TUT4: variants seen among roughly 807,000 people sequenced by gnomAD.
TUT4 encodes the protein terminal uridylyl transferase 4.
Under a neutral mutation model 192.2 loss-of-function variants are expected in TUT4, and 36 were observed. The observed-to-expected ratio is 0.19, with a 90% CI of 0.14 to 0.25. The LOEUF is 0.25. TUT4 is among the 10% of genes least tolerant of loss of function. The pLI is 1.00. For synonymous variants in TUT4, 618 were observed against 666.0 expected (o/e 0.93, Z 1.11); for missense variants, 1,493 against 1,957.2 (o/e 0.76, Z 4.47).
rs60991652 is a variant in TUT4, at chr1:52,498,902, TTATATATATATATATATATATATATA to T, written c.1000-1745_1000-1720del. 9.8e-3 allele frequency among the ~76,000 whole-genome samples: 228 copies of T among 23,304 alleles called. 15 individuals are homozygous for T. Among genetic ancestry groups the T allele is most frequent in the South Asian group, 0.047 (20 of 424 alleles). The allele number at this position is 23,304 out of a possible 152,430, so 15.3% of individuals were successfully genotyped here. On this transcript the variant is annotated intron_variant, in intron 4 of 29. Transcript: ENST00000257177. ...ACTCCATTACAAAAAAAAAAAAAAA[TTATATATATATATATATATATATATA>T]TATATATATATATATATATATATAT...
intron 9 of TUT4, among the ~76,000 whole-genome samples, chr1:52,483,761 G>T (rs920477810): frequency 6.6e-6 from 1 of 152,132 alleles, no homozygotes; most frequent in African/African-American, 2.4e-5. Flanking sequence ...AGTGAGCTGA[G>T]ATTGCGCCAC....
chr1:52,495,692 G>T (rs930047981), intron 5 of TUT4, among the ~76,000 whole-genome samples, 177 bp from the exon 6 acceptor site: 1 of 152,112 alleles, frequency 6.6e-6, no homozygotes, highest in East Asian at 1.9e-4. Flanking sequence ...ATGGTTCCCA[G>T]TTATGGAGTG....
At chr1:52,506,395 A>C (rs535517098) in intron 4 of TUT4, among the ~76,000 whole-genome samples, 2 of 152,326 alleles carry the variant, frequency 1.3e-5, no homozygotes, top group East Asian at 3.9e-4. Context: ...TCACAGACTG[A>C]ACTGGGAAGT....
At chr1:52,430,291 T>C (rs908471747) in intron 28 of TUT4, among the ~76,000 whole-genome samples, 1 of 150,974 alleles carries the variant, frequency 6.6e-6, no homozygotes, top group African/African-American at 2.5e-5. Context: ...TTCCTTGATC[T>C]TTTTTTTGTT....
intron 11 of TUT4, among the ~76,000 whole-genome samples, chr1:52,479,863 C>G (rs1570758003): frequency 6.6e-6 from 1 of 151,754 alleles, no homozygotes; most frequent in Non-Finnish European, 1.5e-5. Flanking sequence ...GCATGGTGGC[C>G]GGGCACCTGT....
At chr1:52,532,421 G>C (rs1445191550) in intron 1 of TUT4, among the ~76,000 whole-genome samples, 1 of 151,578 alleles carries the variant, frequency 6.6e-6, no homozygotes, top group Non-Finnish European at 1.5e-5. Context: ...TTGACCCCTG[G>C]GCTCAAGCGA....
rs988433123 is a variant in TUT4 at position 52,423,504 on chromosome 1, T to C, written c.*431A>G. 4 of 189,148 alleles carry C rather than the reference T, an allele frequency of 2.1e-5. No individual in the cohort carries two copies. The highest frequency in any genetic ancestry group is 3.4e-5 in the Non-Finnish European group (3 of 89,520). 11.7% of individuals were successfully genotyped at this position (189,148 alleles called of 1,614,324 possible). On this transcript the variant is annotated 3_prime_UTR_variant, in exon 30 of 30. Transcript: ENST00000257177. ...ACAATTTAAAACACATGAAATTCTTTCCTAACTTTTAAGAACAATATATAA... is the reference window on the plus strand; with the variant it reads ...ACAATTTAAAACACATGAAATTCTTCCCTAACTTTTAAGAACAATATATAA...
intron 20 of TUT4, among the ~76,000 whole-genome samples, chr1:52,451,934 A>G (rs55644248): frequency 0.028 from 4,211 of 152,136 alleles, 135 homozygotes; most frequent in African/African-American, 0.078. Flanking sequence ...AACTGAATCA[A>G]TAATTAATAA....
chr1:52,529,338 TAC>T (rs1264529018), intron 1 of TUT4, among the ~76,000 whole-genome samples: 4 of 152,194 alleles, frequency 2.6e-5, no homozygotes, highest in Admixed American at 6.5e-5. Context: ...GTTTAATTAA[TAC>T]ATTTTGCTTT....
intron 16 of TUT4, chr1:52,463,589 C>T (rs1663224061): frequency 7.9e-7 from 1 of 1,273,556 alleles, no homozygotes; most frequent in African/African-American, 1.5e-5. Context: ...CTGGGCCTCA[C>T]CCCAATCTTG....
At position 52,461,607 on chromosome 1, in the gene TUT4, T is replaced by C. The variant is rs997935773; in HGVS notation, c.3137A>G (p.Asn1046Ser). 6.2e-7 allele frequency: 1 copy of C among 1,609,206 alleles called. No homozygotes were observed. The highest frequency in any genetic ancestry group is 8.5e-7 in the Non-Finnish European group (1 of 1,178,352). ...TTTGGCAGTAGTTATAGGCAAAATG[T>C]TTCTTAAACCTAATTTAAAAAAAAA... ...KILKRHPGLR[N>S]ILPITTAKVP... Residue 1046 changes from asparagine to serine, a missense_variant, in exon 18 of 30, where the codon AAC (asparagine) becomes AGC (serine). Asn to Ser is a conservative substitution (Grantham distance 46). Around this residue, in one of 7 missense-constraint regions of TUT4, gnomAD observed 141 missense variants for 382.7 expected, o/e 0.37. Coordinates refer to ENST00000257177, the MANE Select transcript of TUT4 (RefSeq NM_001009881.3).
At chr1:52,551,773 G>A (rs1493365) in intron 1 of TUT4, among the ~76,000 whole-genome samples, 53,431 of 150,508 alleles carry the variant, frequency 0.36, 13,025 homozygotes, top group African/African-American at 0.71. Flanking sequence ...GGTATTCTCT[G>A]AATTATCATA....
intron 1 of TUT4, among the ~76,000 whole-genome samples, chr1:52,548,292 T>C (rs779554958): frequency 1.3e-5 from 2 of 152,040 alleles, no homozygotes; most frequent in Non-Finnish European, 2.9e-5. Context: ...TAGTTAAATA[T>C]TTAATTTAAT....
At chr1:52,486,189 T>C (rs1397499561) in intron 9 of TUT4, among the ~76,000 whole-genome samples, 5 of 152,138 alleles carry the variant, frequency 3.3e-5, no homozygotes, top group Non-Finnish European at 7.4e-5. Flanking sequence ...ATAAACAAGA[T>C]TAAAGCAGTT....
At chr1:52,465,879 T>G (rs912171565) in intron 15 of TUT4, among the ~76,000 whole-genome samples, 1 of 152,142 alleles carries the variant, frequency 6.6e-6, no homozygotes. Flanking sequence ...TATTACTTTT[T>G]TTTTTTTAGA....
At chr1:52,490,433 T>C (rs1006383619) in intron 8 of TUT4, among the ~76,000 whole-genome samples, 14 of 151,840 alleles carry the variant, frequency 9.2e-5, no homozygotes, top group African/African-American at 2.4e-4. Context: ...TCTGTATCCA[T>C]AGAGCAAAGT....
chr1:52,481,761 CTA>C (rs751208527), intron 10 of TUT4, 41 bp downstream of exon 10: 561 of 1,510,160 alleles, frequency 3.7e-4, no homozygotes, highest in South Asian at 1.1e-3. Flanking sequence ...CAAGAGCAAA[CTA>C]TATATATATA....
chr1:52,545,927 G>A (rs1027229960), intron 1 of TUT4, among the ~76,000 whole-genome samples: 1 of 145,792 alleles, frequency 6.9e-6, no homozygotes, highest in African/African-American at 2.6e-5. Flanking sequence ...TTTGAGACCA[G>A]CCTGGGCAAT....
chr1:52,481,836 G>T lies in TUT4; in HGVS notation c.1603C>A (p.Pro535Thr). 1.3e-6 allele frequency: 2 copies of T among 1,596,864 alleles called. No individual in the cohort carries two copies. The highest frequency in any genetic ancestry group is 1.7e-6 in the Non-Finnish European group (2 of 1,175,566). ...MVMFFLQQRK[P>T]PLLPCLLGSW... Reference sequence around the variant, plus strand: ...CCAAGTAAGCAAGGAAGAAGAGGGGGTTTTCTCTGTTGTAGAAAAAACATC... The same window carrying T: ...CCAAGTAAGCAAGGAAGAAGAGGGGTTTTTCTCTGTTGTAGAAAAAACATC... The change falls in exon 10 of 30, where the codon CCC (proline) becomes ACC (threonine). Residue 535 changes from proline to threonine, a missense_variant. Coordinates refer to ENST00000257177, the MANE Select transcript of TUT4 (RefSeq NM_001009881.3).
Sources: gnomAD v4.1 joint callset for allele counts (sites outside exome capture counted in the v4.1 genomes callset) on GRCh38, gnomAD v4.1.1 for gene constraint, gnomAD v4.1.1 regional missense constraint, MANE v1.5 for transcripts, NCBI Gene and HGNC (gene_info 2026-07-23, HGNC 2026-07-21) for gene names.